Variants in TNNI3K observed in about 807,000 individuals in gnomAD.
TNNI3K encodes serine/threonine-protein kinase TNNI3K.
In TNNI3K, 140 loss-of-function variants were observed where a neutral mutation model predicts 114.5. The observed-to-expected ratio is 1.22, with a 90% CI of 1.07 to 1.41. The LOEUF (loss-of-function observed/expected upper bound fraction) is 1.41, where lower values mean the gene tolerates loss of function less well. Ranked by LOEUF, TNNI3K falls within the 40% of genes most tolerant of loss-of-function variation. The pLI is 0.00. For synonymous variants in TNNI3K, 347 were observed against 347.5 expected (o/e 1.00, Z 0.02); for missense variants, 1,125 against 1,007.6 (o/e 1.12, Z -1.58).
chr1:74,314,130 A>G (rs1052087596), intron 5 of TNNI3K, among the ~76,000 whole-genome samples: 7 of 147,146 alleles, frequency 4.8e-5, no homozygotes, highest in African/African-American at 1.7e-4. Context: ...TGGCCATTTA[A>G]AAGACTTATT....
chr1:74,480,253 G>C, intron 21 of TNNI3K: 1 of 717,548 alleles, frequency 1.4e-6, no homozygotes, highest in East Asian at 2.7e-5. Flanking sequence ...TGGAATCACA[G>C]TTGGTCTCAG....
In TNNI3K at chr1:74,492,078, T is replaced by C. The variant is rs1447075258; in HGVS notation, c.2182-19T>C. 1.3e-6 allele frequency: 2 copies of C among 1,491,904 alleles called. No homozygotes were observed. Among genetic ancestry groups the C allele is most frequent in the Admixed American group, 1.9e-5 (1 of 53,152 alleles). The allele number at this position is 1,491,904 out of a possible 1,614,324, so 92.4% of individuals were successfully genotyped here. ...TGTTGGAAGTATTAAACAATTGAAATTGCCCCTCCTCCACTCAGCTGATGT... is the reference window on the plus strand; with the variant it reads ...TGTTGGAAGTATTAAACAATTGAAACTGCCCCTCCTCCACTCAGCTGATGT... On this transcript the variant is annotated intron_variant, in intron 22 of 24. Transcript: ENST00000326637.
chr1:74,499,062 C>A (rs1466396331), intron 23 of TNNI3K, among the ~76,000 whole-genome samples: 1 of 152,240 alleles, frequency 6.6e-6, no homozygotes, highest in East Asian at 1.9e-4. Context: ...AATAAACAAG[C>A]AAACCAACAG....
chr1:74,332,917 G>A (rs1357872324), intron 6 of TNNI3K, among the ~76,000 whole-genome samples: 1 of 133,952 alleles, frequency 7.5e-6, no homozygotes, highest in Non-Finnish European at 1.5e-5. Flanking sequence ...TTAAAACACT[G>A]CCCTTTGACA....
At chr1:74,239,462 C>A (rs541817386) in intron 2 of TNNI3K, among the ~76,000 whole-genome samples, 2 of 152,032 alleles carry the variant, frequency 1.3e-5, no homozygotes, top group Non-Finnish European at 2.9e-5. Context: ...CATTACTCAC[C>A]CTTATTCATT....
intron 5 of TNNI3K, among the ~76,000 whole-genome samples, chr1:74,298,391 A>T (rs1224859702): frequency 6.6e-6 from 1 of 152,184 alleles, no homozygotes; most frequent in Non-Finnish European, 1.5e-5. Flanking sequence ...TATATAGGTA[A>T]GCATTTTAAA....
chr1:74,378,701 T>C (rs1663049249), intron 17 of TNNI3K: 1 of 144,566 alleles, frequency 6.9e-6, no homozygotes, highest in African/African-American at 2.6e-5. Flanking sequence ...ATGACCAATG[T>C]GACTTGACAG....
intron 5 of TNNI3K, among the ~76,000 whole-genome samples, chr1:74,305,331 G>A (rs1231963046): frequency 1.3e-5 from 2 of 152,174 alleles, no homozygotes; most frequent in Non-Finnish European, 2.9e-5. Flanking sequence ...TTAGGATCAG[G>A]AGGTTTTTGG....
intron 21 of TNNI3K, among the ~76,000 whole-genome samples, chr1:74,481,390 G>A (rs547053694): frequency 6.6e-6 from 1 of 152,304 alleles, no homozygotes; most frequent in African/African-American, 2.4e-5. Context: ...CATAGTCAGT[G>A]TTCCATAGCA....
intron 17 of TNNI3K, among the ~76,000 whole-genome samples, chr1:74,419,416 G>A (rs1665286492): frequency 1.3e-5 from 2 of 152,088 alleles, no homozygotes; most frequent in Non-Finnish European, 1.5e-5. Context: ...GGAATTAGGA[G>A]GTGGTCTTAT....
chr1:74,518,877 T>C (rs1646389284), intron 23 of TNNI3K, among the ~76,000 whole-genome samples: 1 of 91,312 alleles, frequency 1.1e-5, no homozygotes, highest in African/African-American at 9.8e-5. Flanking sequence ...TTTTCCCCTT[T>C]TTTTTTTTTT....
rs370661387 is a variant in TNNI3K at position 74,271,720 on chromosome 1, C to A, written c.444+12C>A. The A allele has an allele frequency of 6.3e-7, 1 of 1,591,432 alleles. No individual in the cohort carries two copies. Among genetic ancestry groups the A allele is most frequent in the Non-Finnish European group, 8.6e-7 (1 of 1,167,666 alleles). Reference sequence around the variant, plus strand: ...CTGGCCACCTAGAGGTAAGTCATGCCTTTGGCACCTGTGAAAACAAAGGTT... The same window carrying A: ...CTGGCCACCTAGAGGTAAGTCATGCATTTGGCACCTGTGAAAACAAAGGTT... On this transcript the variant is annotated intron_variant, in intron 5 of 24. Transcript: ENST00000326637.
chr1:74,359,961 A>G (rs2100496095), intron 11 of TNNI3K, among the ~76,000 whole-genome samples: 1 of 151,954 alleles, frequency 6.6e-6, no homozygotes, highest in South Asian at 2.1e-4. Context: ...CCACTTTGTC[A>G]CTTAGGTCAG....
At chr1:74,399,800 G>A (rs2100588099) in intron 17 of TNNI3K, among the ~76,000 whole-genome samples, 1 of 152,274 alleles carries the variant, frequency 6.6e-6, no homozygotes, top group South Asian at 2.1e-4. Flanking sequence ...ACAATTATTG[G>A]ATGGAGCACA....
intron 23 of TNNI3K, among the ~76,000 whole-genome samples, chr1:74,533,985 G>A (rs990174000): frequency 2.0e-5 from 3 of 152,194 alleles, no homozygotes; most frequent in Admixed American, 1.3e-4. Flanking sequence ...GTTTCTGCAA[G>A]TCATTCGAAC....
intron 5 of TNNI3K, among the ~76,000 whole-genome samples, chr1:74,285,807 C>T (rs1194590033): frequency 2.0e-5 from 3 of 152,094 alleles, no homozygotes; most frequent in Admixed American, 6.5e-5. Flanking sequence ...TATAATGATA[C>T]GTTTCATGAA....
At chr1:74,317,997 AACT>A (rs1659411796) in intron 5 of TNNI3K, among the ~76,000 whole-genome samples, 2 of 152,070 alleles carry the variant, frequency 1.3e-5, no homozygotes, top group South Asian at 4.2e-4. Context: ...CCAGACTCTC[AACT>A]ATGTCTTCTC....
chr1:74,354,635 G>A (rs45439296), intron 11 of TNNI3K, among the ~76,000 whole-genome samples: 1,902 of 152,228 alleles, frequency 0.012, 47 homozygotes, highest in African/African-American at 0.043. Flanking sequence ...AGCTCAAAGT[G>A]GTGAAAGCTT....
intron 9 of TNNI3K, among the ~76,000 whole-genome samples, chr1:74,352,934 GC>G (rs1661446253): frequency 6.6e-6 from 1 of 152,128 alleles, no homozygotes; most frequent in Non-Finnish European, 1.5e-5. Context: ...GCAATGCCTC[GC>G]CCTACTTCGG....
Sources: allele counts gnomAD v4.1 joint callset (sites outside exome capture counted in the v4.1 genomes callset), GRCh38; gene constraint gnomAD v4.1.1; transcripts MANE v1.5; gene names NCBI Gene and HGNC (gene_info 2026-07-23, HGNC 2026-07-21).